The following P3H2 variants were observed in gnomAD, a reference collection of about 807,000 sequenced individuals.
P3H2 encodes the protein leprecan-like 1.
Under a neutral mutation model 87.0 loss-of-function variants are expected in P3H2, and 80 were observed. The observed-to-expected ratio is 0.92, with a 90% CI of 0.77 to 1.11. The LOEUF is 1.11. P3H2 is among the 50% of genes least tolerant of loss of function. The pLI, the probability that P3H2 is intolerant of heterozygous loss-of-function variation, is 0.00. For synonymous variants in P3H2, 367 were observed against 359.3 expected (o/e 1.02, Z -0.24); for missense variants, 1,001 against 923.9 (o/e 1.08, Z -1.08).
intron 14 of P3H2, among the ~76,000 whole-genome samples, chr3:189,961,418 T>G (rs2108901516): frequency 6.6e-6 from 1 of 152,340 alleles, no homozygotes; most frequent in Non-Finnish European, 1.5e-5. Context: ...TGCTAAATAC[T>G]CCTTGAGAAC....
At chr3:190,040,733 G>C (rs931879459) in intron 1 of P3H2, among the ~76,000 whole-genome samples, 8 of 151,900 alleles carry the variant, frequency 5.3e-5, no homozygotes, top group Non-Finnish European at 1.2e-4. Context: ...AGATACATTG[G>C]ATACATTTCT....
chr3:190,102,275 A>G lies in P3H2; in HGVS notation c.480+17977T>C, dbSNP rs565928838. ...AAGAAATATACCTTGTAAGGTTATG[A>G]CTGCCATAGATAGTAATTCCTCTGG... On this transcript the variant is annotated intron_variant, in intron 1 of 14. Coordinates refer to ENST00000319332, the MANE Select transcript of P3H2 (RefSeq NM_018192.4). 6.6e-5 allele frequency among the ~76,000 whole-genome samples: 10 copies of G among 152,360 alleles called. 1 individual carries two copies. Among genetic ancestry groups the G allele is most frequent in the Middle Eastern group, 3.4e-3 (1 of 294 alleles).
intron 1 of P3H2, among the ~76,000 whole-genome samples, chr3:190,098,692 G>A (rs943849326): frequency 1.3e-5 from 2 of 152,124 alleles, no homozygotes; most frequent in African/African-American, 4.8e-5. Context: ...TATTTCTCTA[G>A]ATCAGTGTTT....
chr3:189,968,617 G>C (rs1723072638), intron 13 of P3H2, among the ~76,000 whole-genome samples: 1 of 152,068 alleles, frequency 6.6e-6, no homozygotes, highest in Non-Finnish European at 1.5e-5. Context: ...CCTAGTAATG[G>C]GATTGCTGGG....
intron 1 of P3H2, among the ~76,000 whole-genome samples, chr3:190,074,530 A>G (rs1726806624): frequency 6.6e-6 from 1 of 152,094 alleles, no homozygotes; most frequent in South Asian, 2.1e-4. Flanking sequence ...AAAATAAAGT[A>G]AAATACTATG....
rs768399211 is a variant in P3H2, at chr3:189,973,038, A to AC, written c.1549-15dup. Reference sequence around the variant, plus strand: ...TTCATAACCAGACTGAAAAAAAAAAACAAAACATGAGAAACAAATGGGTTC... The same window carrying AC: ...TTCATAACCAGACTGAAAAAAAAAAACCAAAACATGAGAAACAAATGGGTTC... On this transcript the variant is annotated splice_polypyrimidine_tract_variant and intron_variant, in intron 10 of 14. Transcript: ENST00000319332. The AC allele has an allele frequency of 9.0e-6, 14 of 1,552,976 alleles. No individual in the cohort carries two copies. In the East Asian group the frequency reaches 3.3e-4, roughly 37 times the overall value.
At chr3:190,054,419 G>C (rs1248345411) in intron 1 of P3H2, among the ~76,000 whole-genome samples, 1 of 151,784 alleles carries the variant, frequency 6.6e-6, no homozygotes, top group African/African-American at 2.4e-5. Context: ...TTTGGAATGT[G>C]GTAGAGAGAA....
chr3:190,102,668 T>C (rs1711672882), intron 1 of P3H2, among the ~76,000 whole-genome samples: 1 of 152,158 alleles, frequency 6.6e-6, no homozygotes, highest in Admixed American at 6.5e-5. Flanking sequence ...ACTGTTGAAA[T>C]GACAACAAAA....
chr3:190,033,598 T>C (rs1725324851), intron 1 of P3H2, among the ~76,000 whole-genome samples: 1 of 152,210 alleles, frequency 6.6e-6, no homozygotes. Flanking sequence ...ATCCATTCTG[T>C]ATTGTTTGGC....
intron 6 of P3H2, among the ~76,000 whole-genome samples, chr3:189,986,027 A>T (rs1560349130): frequency 6.6e-6 from 1 of 152,224 alleles, no homozygotes; most frequent in Non-Finnish European, 1.5e-5. Flanking sequence ...CAATGATTAG[A>T]AGACAACATG....
At chr3:189,998,229 G>A (rs1443508495) in intron 1 of P3H2, among the ~76,000 whole-genome samples, 1 of 152,092 alleles carries the variant, frequency 6.6e-6, no homozygotes, top group African/African-American at 2.4e-5. Context: ...AATTTTCTCT[G>A]GGCAATAGCC....
In P3H2 at chr3:190,021,935, C is replaced by A. The variant is rs1026386855; in HGVS notation, c.481-26493G>T. ...ATGTAACTGACATTACAGGACAGTTCTTAAAAGCTGTCAGTGATACTTTAT... is the reference window on the plus strand; with the variant it reads ...ATGTAACTGACATTACAGGACAGTTATTAAAAGCTGTCAGTGATACTTTAT... On this transcript the variant is annotated intron_variant, in intron 1 of 14. Coordinates refer to ENST00000319332, the MANE Select transcript of P3H2 (RefSeq NM_018192.4). Among the ~76,000 whole-genome samples the A allele has an allele frequency of 1.5e-5, 2 of 135,084 alleles. 1 individual carries two copies. The highest frequency in any genetic ancestry group is 3.3e-5 in the Non-Finnish European group (2 of 60,394). The allele number at this position is 135,084 out of a possible 152,430, so 88.6% of individuals were successfully genotyped here. A position where few individuals can be genotyped will look rare whatever the true frequency, so the allele number is the denominator to read the frequency against.
At chr3:190,081,313 T>G (rs1018585423) in intron 1 of P3H2, among the ~76,000 whole-genome samples, 15 of 152,214 alleles carry the variant, frequency 9.9e-5, no homozygotes, top group Non-Finnish European at 2.2e-4. Context: ...GACTTTCTTA[T>G]CTGAATTATT....
chr3:190,029,926 C>T (rs956017369), intron 1 of P3H2, among the ~76,000 whole-genome samples: 4 of 151,122 alleles, frequency 2.6e-5, no homozygotes, highest in African/African-American at 9.7e-5. Flanking sequence ...TGCTTGAACC[C>T]GGGAGGCAGA....
intron 3 of P3H2, among the ~76,000 whole-genome samples, chr3:189,992,765 TG>T (rs1374309342): frequency 6.6e-6 from 1 of 152,172 alleles, no homozygotes; most frequent in African/African-American, 2.4e-5. Flanking sequence ...GATAAAAATA[TG>T]TTAAGTGCTT....
chr3:189,968,537 C>A (rs990571877), intron 13 of P3H2, among the ~76,000 whole-genome samples: 3 of 152,098 alleles, frequency 2.0e-5, no homozygotes, highest in Non-Finnish European at 4.4e-5. Flanking sequence ...CTATTGTGAA[C>A]AGTGCCGCAA....
At chr3:189,997,051 C>T (rs1724073359) in intron 1 of P3H2, among the ~76,000 whole-genome samples, 1 of 152,200 alleles carries the variant, frequency 6.6e-6, no homozygotes, top group African/African-American at 2.4e-5. Flanking sequence ...GAGACGGAGT[C>T]TTGCTCTGTT....
chr3:189,958,699 CTTTTTTTTTT>C (rs71175319), intron 14 of P3H2, among the ~76,000 whole-genome samples: 4 of 120,242 alleles, frequency 3.3e-5, no homozygotes, highest in East Asian at 2.7e-4. Context: ...ATTGCTCCCT[CTTTTTTTTTT>C]TTTTTTTTTT....
At chr3:189,980,184 A>C (rs1723487015) in intron 8 of P3H2, among the ~76,000 whole-genome samples, 1 of 152,214 alleles carries the variant, frequency 6.6e-6, no homozygotes, top group Non-Finnish European at 1.5e-5. Context: ...AGTAGATGAC[A>C]GTCTCTTTGG....
Sources: gnomAD v4.1 joint callset for allele counts (sites outside exome capture counted in the v4.1 genomes callset) on GRCh38, gnomAD v4.1.1 for gene constraint, MANE v1.5 for transcripts, NCBI Gene and HGNC (gene_info 2026-07-23, HGNC 2026-07-21) for gene names.